TRMT61B: variants seen among roughly 807,000 people sequenced by gnomAD.
The protein encoded by TRMT61B is tRNA methyltransferase 61B, also known as tRNA (adenine(58)-N(1))-methyltransferase, mitochondrial.
In TRMT61B, 56 loss-of-function variants were observed where a neutral mutation model predicts 52.0. The observed-to-expected ratio is 1.08, with a 90% CI of 0.87 to 1.35. TRMT61B has a LOEUF of 1.35. Ranked by LOEUF, TRMT61B falls within the 40% of genes most tolerant of loss-of-function variation. The pLI is 0.00. For synonymous variants in TRMT61B, 206 were observed against 220.0 expected (o/e 0.94, Z 0.56); for missense variants, 650 against 577.9 (o/e 1.12, Z -1.28).
chr2:28,852,001 C>T (rs1207917555), intron 4 of TRMT61B, among the ~76,000 whole-genome samples: 1 of 147,186 alleles, frequency 6.8e-6, no homozygotes, highest in Non-Finnish European at 1.5e-5. Context: ...ATGCCATATA[C>T]ACTTTATTCA....
In TRMT61B at chr2:28,865,019, G is replaced by T; in HGVS notation, c.800C>A (p.Ala267Glu). 1.2e-6 allele frequency: 2 copies of T among 1,600,130 alleles called. No homozygotes were observed. Among genetic ancestry groups the T allele is most frequent in the Non-Finnish European group, 8.6e-7 (1 of 1,167,608 alleles). ...SGGMSLFLSK[A>E]VGSQGRVISF... Reference sequence around the variant, plus strand: ...TCCAGCTCAGTCCAATCTCTTACCTGCTTTGGATAAAAATAAGCTCATTCC... The same window carrying T: ...TCCAGCTCAGTCCAATCTCTTACCTTCTTTGGATAAAAATAAGCTCATTCC... The change falls in exon 2 of 7, where the codon GCA (alanine) becomes GAA (glutamate). Residue 267 changes from alanine to glutamate, a missense_variant and splice_region_variant. Coordinates refer to ENST00000306108, the MANE Select transcript of TRMT61B (RefSeq NM_017910.4).
At chr2:28,861,598 T>G in intron 2 of TRMT61B, 1 of 243,886 alleles carries the variant, frequency 4.1e-6, no homozygotes, top group Non-Finnish European at 7.8e-6. Flanking sequence ...CACTGTCCTG[T>G]ACCTTCCTTC....
chr2:28,853,132 C>T (rs1032867977), intron 3 of TRMT61B, among the ~76,000 whole-genome samples: 7 of 151,698 alleles, frequency 4.6e-5, no homozygotes, highest in Non-Finnish European at 8.8e-5. Context: ...GTGTAAAACA[C>T]GCCATTACAA....
chr2:28,853,226 A>G (rs1669198485), intron 3 of TRMT61B, among the ~76,000 whole-genome samples: 1 of 150,396 alleles, frequency 6.6e-6, no homozygotes, highest in African/African-American at 2.5e-5. Flanking sequence ...ACCAGGCTGG[A>G]GTACAGTGGC....
In TRMT61B at chr2:28,850,338, AGGTTGCCAGTGTACT is replaced by A. The variant is rs1669023441; in HGVS notation, c.1365_1379del (p.Val456_Pro460del). 6.2e-7 allele frequency: 1 copy of A among 1,610,158 alleles called. No individual in the cohort carries two copies. Among genetic ancestry groups the A allele is most frequent in the South Asian group, 1.1e-5 (1 of 90,148 alleles). ...GAAAACATTACTCACCTGTATGACC[AGGTTGCCAGTGTACT>A]GGTCTAGCAACATAGGGAAATGATC... On this transcript the variant is annotated inframe_deletion, in exon 6 of 7. Transcript: ENST00000306108.
intron 5 of TRMT61B, among the ~76,000 whole-genome samples, 159 bp downstream of exon 5, chr2:28,850,913 G>A (rs978767649): frequency 5.9e-5 from 9 of 152,148 alleles, no homozygotes; most frequent in Non-Finnish European, 1.5e-5. Flanking sequence ...TAAAAGGCAG[G>A]AAAAGTCATT....
chr2:28,850,403 C>T lies in TRMT61B; in HGVS notation c.1315G>A (p.Glu439Lys). 6.3e-7 allele frequency: 1 copy of T among 1,599,660 alleles called. No homozygotes were observed. The highest frequency in any genetic ancestry group is 8.5e-7 in the Non-Finnish European group (1 of 1,171,928). ...CCATATGGAAAATCAGAATGCGATT[C>T]TTCTGTTGTAAAAAAATATATGTAC... ...GELFQEDDHE[E>K]SHSDFPYGSF... Residue 439 changes from glutamate to lysine, a missense_variant and splice_region_variant, in exon 6 of 7, where the codon GAA becomes AAA. Physicochemically the swap from Glu to Lys is moderately conservative, Grantham distance 56. Coordinates refer to ENST00000306108, the MANE Select transcript of TRMT61B (RefSeq NM_017910.4).
chr2:28,864,527 A>G (rs919548443), intron 2 of TRMT61B, among the ~76,000 whole-genome samples: 7 of 152,228 alleles, frequency 4.6e-5, no homozygotes, highest in African/African-American at 7.2e-5. Flanking sequence ...TCCATTTTAT[A>G]TAAGTTCGAA....
At position 28,855,970 on chromosome 2, in the gene TRMT61B, C is replaced by CAAAT. The variant is rs370500686; in HGVS notation, c.994-3475_994-3472dup. On this transcript the variant is annotated intron_variant, in intron 3 of 6. Coordinates refer to ENST00000306108, the MANE Select transcript of TRMT61B (RefSeq NM_017910.4). Reference sequence around the variant, plus strand: ...TGGGCAACAGAGTGAGACTCCATCTCAAATAAATAAATAAATAAATAAATA... The same window carrying CAAAT: ...TGGGCAACAGAGTGAGACTCCATCTCAAATAAATAAATAAATAAATAAATAAATA... Among the ~76,000 whole-genome samples, 147 of 151,936 alleles carry CAAAT rather than the reference C, an allele frequency of 9.7e-4. 1 individual carries two copies. Among genetic ancestry groups the CAAAT allele is most frequent in the East Asian group, 3.5e-3 (18 of 5,172 alleles).
rs1670001334 is a variant in TRMT61B at position 28,869,746 on chromosome 2, C to T, written c.532G>A (p.Gly178Arg). Residue 178 changes from glycine (G) to arginine (R), a missense_variant, in exon 1 of 7, where the codon GGA (glycine) becomes AGA (arginine). Transcript: ENST00000306108. ...GCCCCCCAGTTACTATTTAAGAGTC[C>T]GAAGTTGTTCAACCTAAATAATTTC... ...FKKLFRLNNF[G>R]LLNSNWGAVP... 1 of 1,614,152 alleles carries T rather than the reference C, an allele frequency of 6.2e-7. No individual in the cohort carries two copies. Among genetic ancestry groups the T allele is most frequent in the Non-Finnish European group, 8.5e-7 (1 of 1,180,030 alleles).
chr2:28,866,730 TATA>T (rs1202956280), intron 1 of TRMT61B, among the ~76,000 whole-genome samples: 4 of 152,196 alleles, frequency 2.6e-5, no homozygotes, highest in Non-Finnish European at 5.9e-5. Context: ...TTGCCAAACA[TATA>T]ATTGGAATTG....
rs1668996854 is a variant in TRMT61B at position 28,849,901 on chromosome 2, AAGACAAATCTATGG to A, written c.*284_*297del. 6.3e-7 allele frequency: 1 copy of A among 1,594,858 alleles called. No individual in the cohort carries two copies. Among genetic ancestry groups the A allele is most frequent in the African/African-American group, 1.4e-5 (1 of 73,938 alleles). On this transcript the variant is annotated 3_prime_UTR_variant, in exon 7 of 7. Transcript: ENST00000306108. ...GGAAAGAAAACTAATTTCTTGAAGA[AAGACAAATCTATGG>A]AGTGGTTTACAGGAAGTGAAGAATG... is the stretch of plus-strand genomic sequence containing the variant.
At chr2:28,851,724 C>T (rs943866200) in intron 4 of TRMT61B, among the ~76,000 whole-genome samples, 5 of 149,990 alleles carry the variant, frequency 3.3e-5, no homozygotes, top group Non-Finnish European at 7.4e-5. Context: ...CACTAAAATA[C>T]AAAAATTAGC....
chr2:28,869,745 C>T lies in TRMT61B; in HGVS notation c.533G>A (p.Gly178Glu), dbSNP rs766246312. The part of the protein sequence containing the change: ...FKKLFRLNNF[G>E]LLNSNWGAVP... ...TGCCCCCCAGTTACTATTTAAGAGT[C>T]CGAAGTTGTTCAACCTAAATAATTT... The change falls in exon 1 of 7, where the codon GGA (glycine) becomes GAA (glutamate). Residue 178 changes from glycine to glutamate, a missense_variant. Transcript: ENST00000306108. The T allele has an allele frequency of 6.8e-6, 11 of 1,614,208 alleles. No homozygotes were observed. In the East Asian group the frequency reaches 2.0e-4, roughly 29 times the overall value.
At chr2:28,856,352 A>G (rs1669341030) in intron 3 of TRMT61B, among the ~76,000 whole-genome samples, 1 of 152,142 alleles carries the variant, frequency 6.6e-6, no homozygotes, top group Non-Finnish European at 1.5e-5. Flanking sequence ...ACACCTCACC[A>G]TATCTTGTTG....
intron 3 of TRMT61B, among the ~76,000 whole-genome samples, chr2:28,853,239 A>G (rs1184602286): frequency 6.6e-6 from 1 of 151,524 alleles, no homozygotes; most frequent in Non-Finnish European, 1.5e-5. Context: ...ACAGTGGCAC[A>G]ATGTCACCTC....
At chr2:28,868,860 C>T (rs145833595) in intron 1 of TRMT61B, among the ~76,000 whole-genome samples, 130 of 152,216 alleles carry the variant, frequency 8.5e-4, no homozygotes, top group Middle Eastern at 3.4e-3. Context: ...AAAAATTAGC[C>T]CGGGGTGGTG....
At chr2:28,866,281 G>A (rs951526652) in intron 1 of TRMT61B, among the ~76,000 whole-genome samples, 1 of 152,118 alleles carries the variant, frequency 6.6e-6, no homozygotes, top group Non-Finnish European at 1.5e-5. Flanking sequence ...GTGAGCCAAC[G>A]TGCCTGGCCA....
Position 28,870,108 on chromosome 2 carries a change from G to T in TRMT61B, c.170C>A (p.Ala57Glu), listed in dbSNP as rs1670021152. Reference sequence around the variant, plus strand: ...CTCTGCTCCTGGGGCTTTCCTTTGTGCCGCCTCGTGCTCTCTTTCTCCATC... The same window carrying T: ...CTCTGCTCCTGGGGCTTTCCTTTGTTCCGCCTCGTGCTCTCTTTCTCCATC... ...LRDGEREHEAAQRKAPGAESC... is the reference protein window; with the variant it reads ...LRDGEREHEAEQRKAPGAESC... Residue 57 changes from alanine to glutamate, a missense_variant, in exon 1 of 7, where the codon GCA (alanine) becomes GAA (glutamate). Physicochemically the swap from Ala to Glu is moderately radical, Grantham distance 107. Transcript: ENST00000306108. The T allele has an allele frequency of 6.2e-7, 1 of 1,614,028 alleles. No individual in the cohort carries two copies. Among genetic ancestry groups the T allele is most frequent in the Non-Finnish European group, 8.5e-7 (1 of 1,180,036 alleles).
Sources: gnomAD v4.1 joint callset for allele counts (sites outside exome capture counted in the v4.1 genomes callset) on GRCh38, gnomAD v4.1.1 for gene constraint, MANE v1.5 for transcripts, NCBI Gene and HGNC (gene_info 2026-07-23, HGNC 2026-07-21) for gene names.